PCSK2: variants seen among roughly 807,000 people sequenced by gnomAD.
The protein encoded by PCSK2 is proprotein convertase subtilisin/kexin type 2.
PCSK2 carries 14 observed loss-of-function variants against 69.7 expected under a neutral mutation model. That is an observed-to-expected ratio of 0.20 (90% CI 0.13 to 0.31). The LOEUF (loss-of-function observed/expected upper bound fraction) is 0.31, where lower values mean the gene tolerates loss of function less well. Ranked by LOEUF, PCSK2 falls within the 10% of genes least tolerant of loss-of-function variation. The pLI is 1.00. For synonymous variants in PCSK2, 307 were observed against 320.7 expected, an observed-to-expected ratio of 0.96 and a Z score of 0.46; for missense variants, 544 against 842.5, an observed-to-expected ratio of 0.65 and a Z score of 4.39.
upstream of PCSK2, chr20:17,226,905 C>A (rs1364631917): frequency 1.3e-5 from 2 of 149,412 alleles, no homozygotes; most frequent in African/African-American, 4.9e-5. Context: ...GGGCGGGGCC[C>A]GCCGCTTCCC....
chr20:17,335,287 G>A (rs1371910596), intron 2 of PCSK2, among the ~76,000 whole-genome samples: 1 of 152,174 alleles, frequency 6.6e-6, no homozygotes, highest in Non-Finnish European at 1.5e-5. Flanking sequence ...TCAACCATAG[G>A]ACCAAAGCTC....
At chr20:17,466,000 G>A (rs1257554751) in intron 11 of PCSK2, among the ~76,000 whole-genome samples, 1 of 152,094 alleles carries the variant, frequency 6.6e-6, no homozygotes, top group African/African-American at 2.4e-5. Context: ...CAGTTTCCAA[G>A]CAGAGCTGCA....
At chr20:17,459,796 G>C (rs6136103) in intron 10 of PCSK2, among the ~76,000 whole-genome samples, 1 of 152,132 alleles carries the variant, frequency 6.6e-6, no homozygotes, top group Non-Finnish European at 1.5e-5. Context: ...CCTGTTCCCC[G>C]GGAATACTTA....
At chr20:17,477,301 A>G (rs751449242) in intron 11 of PCSK2, among the ~76,000 whole-genome samples, 20 of 151,964 alleles carry the variant, frequency 1.3e-4, no homozygotes, top group Non-Finnish European at 2.5e-4. Flanking sequence ...TGTGCCAAGC[A>G]TTGTGCCTGG....
At chr20:17,325,777 C>T (rs1335872377) in intron 2 of PCSK2, among the ~76,000 whole-genome samples, 1 of 152,206 alleles carries the variant, frequency 6.6e-6, no homozygotes, top group African/African-American at 2.4e-5. Context: ...CACCAGTGGG[C>T]TAGCCCAGGC....
intron 1 of PCSK2, among the ~76,000 whole-genome samples, chr20:17,241,016 C>T (rs1197436855): frequency 2.0e-5 from 3 of 152,280 alleles, no homozygotes; most frequent in East Asian, 3.9e-4. Flanking sequence ...AAGGGTTAAA[C>T]GAATGTCTTT....
At chr20:17,329,588 G>A (rs899354871) in intron 2 of PCSK2, among the ~76,000 whole-genome samples, 4 of 152,054 alleles carry the variant, frequency 2.6e-5, no homozygotes, top group African/African-American at 7.2e-5. Flanking sequence ...CAAAATAGAC[G>A]GTCACCAAGT....
intron 2 of PCSK2, among the ~76,000 whole-genome samples, chr20:17,331,767 TA>T (rs59201598): frequency 0.15 from 22,469 of 145,924 alleles, 1,814 homozygotes; most frequent in Middle Eastern, 0.2. Flanking sequence ...CTCGTGTGAT[TA>T]AAAAAAAAAA....
intron 5 of PCSK2, among the ~76,000 whole-genome samples, chr20:17,380,994 A>G (rs1260328835): frequency 1.3e-5 from 2 of 152,106 alleles, no homozygotes; most frequent in East Asian, 3.9e-4. Context: ...TCACTTGCCT[A>G]CAAGCTTTCA....
At position 17,409,292 on chromosome 20, in the gene PCSK2, C is replaced by G; in HGVS notation, c.573C>G (p.Ser191Arg). The change falls in exon 6 of 12, where the codon AGC becomes AGG. Residue 191 changes from serine (S) to arginine (R), a missense_variant. Around this residue, in one of 3 missense-constraint regions of PCSK2, gnomAD observed 187 missense variants for 399.8 expected, o/e 0.47. Transcript: ENST00000262545. ...CCGAAGCAAGTTACGACTTCAGCAGCAACGACCCCTATCCTTACCCTCGGT... is the reference window on the plus strand; with the variant it reads ...CCGAAGCAAGTTACGACTTCAGCAGGAACGACCCCTATCCTTACCCTCGGT... ...YNAEASYDFSSNDPYPYPRYT... is the reference protein window; with the variant it reads ...YNAEASYDFSRNDPYPYPRYT... The G allele has an allele frequency of 1.2e-6, 2 of 1,614,044 alleles. No homozygotes were observed. The highest frequency in any genetic ancestry group is 8.5e-7 in the Non-Finnish European group (1 of 1,179,920).
chr20:17,260,296 G>T lies in PCSK2; in HGVS notation c.234G>T (p.Lys78Asn), dbSNP rs1987328754. The T allele has an allele frequency of 6.2e-7, 1 of 1,613,846 alleles. No homozygotes were observed. Among genetic ancestry groups the T allele is most frequent in the Non-Finnish European group, 8.5e-7 (1 of 1,179,898 alleles). Reference protein sequence around the residue: ...HFYHNGLAKAKRRRSLHHKQQ... With the variant: ...HFYHNGLAKANRRRSLHHKQQ... ...ATCACAATGGCCTTGCAAAGGCCAA[G>T]AGAAGACGCAGCCTACACCACAAGC... is the stretch of plus-strand genomic sequence containing the variant. Residue 78 changes from lysine (K) to asparagine (N), a missense_variant, in exon 2 of 12, where the codon AAG becomes AAT. By Grantham distance (94) the Lys-to-Asn change is moderately conservative. Coordinates refer to ENST00000262545, the MANE Select transcript of PCSK2 (RefSeq NM_002594.5).
In PCSK2 at chr20:17,453,206, TA is replaced by T. The variant is rs1438506793; in HGVS notation, c.886-533del. On this transcript the variant is annotated intron_variant, in intron 8 of 11. Transcript: ENST00000262545. This position sits in a 1 kb window ranked among gnomAD's most constrained non-coding sequence, Gnocchi z 4.0. The stretch of plus-strand genomic sequence containing the variant: ...ATTTATAATGTCTACATATCATATT[TA>T]AATTTATATATTGATATATAGCTAT... Among the ~76,000 whole-genome samples, 2 of 152,186 alleles carry T rather than the reference TA, an allele frequency of 1.3e-5. No individual in the cohort carries two copies. The highest frequency in any genetic ancestry group is 2.9e-5 in the Non-Finnish European group (2 of 68,028).
intron 2 of PCSK2, among the ~76,000 whole-genome samples, chr20:17,295,972 T>C (rs886552672): frequency 6.6e-6 from 1 of 152,198 alleles, no homozygotes; most frequent in Non-Finnish European, 1.5e-5. Flanking sequence ...GTGTGAGGGG[T>C]GGCACAGACC....
chr20:17,407,780 C>A (rs1352515579), intron 5 of PCSK2, among the ~76,000 whole-genome samples: 1 of 152,134 alleles, frequency 6.6e-6, no homozygotes, highest in Non-Finnish European at 1.5e-5. Flanking sequence ...GACGAGAAGA[C>A]TTCCTCCTCT....
intron 2 of PCSK2, among the ~76,000 whole-genome samples, chr20:17,318,228 G>T (rs1304772514): frequency 6.6e-6 from 1 of 152,152 alleles, no homozygotes; most frequent in Admixed American, 6.5e-5. Flanking sequence ...TCTATAAAGT[G>T]GTCAAAGAAA....
At chr20:17,395,349 C>T (rs1453358402) in intron 5 of PCSK2, among the ~76,000 whole-genome samples, 1 of 152,148 alleles carries the variant, frequency 6.6e-6, no homozygotes, top group East Asian at 1.9e-4. Flanking sequence ...TTTAATACAA[C>T]TTAGGTCTTA....
intron 5 of PCSK2, among the ~76,000 whole-genome samples, chr20:17,379,343 G>A (rs536792985): frequency 6.6e-6 from 1 of 152,240 alleles, no homozygotes; most frequent in Non-Finnish European, 1.5e-5. Context: ...GGGCAAATGT[G>A]GATCTGATGG....
intron 11 of PCSK2, among the ~76,000 whole-genome samples, chr20:17,469,340 A>G (rs73251899): frequency 0.022 from 3,314 of 151,966 alleles, 130 homozygotes; most frequent in African/African-American, 0.075. Context: ...TGTGCCTTAT[A>G]CTCGCACAGT....
At chr20:17,385,040 T>C (rs979633420) in intron 5 of PCSK2, among the ~76,000 whole-genome samples, 2 of 152,224 alleles carry the variant, frequency 1.3e-5, no homozygotes, top group African/African-American at 4.8e-5. Context: ...GGCCACCTGT[T>C]TTTGTAAATA....
Sources: gnomAD v4.1 joint callset for allele counts (sites outside exome capture counted in the v4.1 genomes callset) on GRCh38, gnomAD v4.1.1 for gene constraint, gnomAD v4.1.1 regional missense constraint, Gnocchi (gnomAD v3.1) non-coding constraint, MANE v1.5 for transcripts, NCBI Gene and HGNC (gene_info 2026-07-23, HGNC 2026-07-21) for gene names.